Variants in TNS2 observed in about 807,000 individuals in gnomAD.
TNS2 encodes the protein tensin 2.
TNS2 carries 77 observed loss-of-function variants against 155.7 expected under a neutral mutation model. The ratio of observed to expected loss-of-function variants is 0.49; its 90% CI spans 0.41 to 0.60. The LOEUF (loss-of-function observed/expected upper bound fraction) is 0.60. TNS2 is among the 20% of genes least tolerant of loss of function. The pLI, the probability that TNS2 is intolerant of heterozygous loss-of-function variation, is 0.00. For missense variants in TNS2, 1,703 were observed against 1,868.8 expected (o/e 0.91, Z 1.64); for synonymous variants, 726 against 763.9 (o/e 0.95, Z 0.82).
chr12:53,060,284 C>T lies in TNS2; in HGVS notation c.2617+26C>T, dbSNP rs1459206496. On this transcript the variant is annotated intron_variant, in intron 18 of 28. Transcript: ENST00000314250. The surrounding 1 kb of genome is among the most constrained non-coding windows in gnomAD (Gnocchi z 6.1). ...GTGAGGGGCACCAGAGTGCGGAGTG[C>T]CCAGGGCAGAGGAGGTTCTGGAAGA... 2 of 1,543,118 alleles carry T rather than the reference C, an allele frequency of 1.3e-6. No homozygotes were observed. The highest frequency in any genetic ancestry group is 1.7e-6 in the Non-Finnish European group (2 of 1,144,326).
chr12:53,060,094 A>C lies in TNS2; in HGVS notation c.2453A>C (p.Tyr818Ser), dbSNP rs922519351. ...SCGSPGEGRG[Y>S]PSPGAHSPRA... Reference sequence around the variant, plus strand: ...GGCTCTCCAGGAGAGGGCAGAGGGTATCCCAGCCCTGGTGCCCACTCCCCA... The same window carrying C: ...GGCTCTCCAGGAGAGGGCAGAGGGTCTCCCAGCCCTGGTGCCCACTCCCCA... Residue 818 changes from tyrosine (Y) to serine (S), a missense_variant, in exon 18 of 29, where the codon TAT becomes TCT. Tyr to Ser is a moderately radical substitution (Grantham distance 144, BLOSUM62 -2). Coordinates refer to ENST00000314250, the MANE Select transcript of TNS2 (RefSeq NM_170754.4). This position sits in a 1 kb window ranked among gnomAD's most constrained non-coding sequence, Gnocchi z 6.1. 2.5e-6 allele frequency: 4 copies of C among 1,611,274 alleles called. No individual in the cohort carries two copies. Among genetic ancestry groups the C allele is most frequent in the Non-Finnish European group, 3.4e-6 (4 of 1,178,614 alleles).
rs201254888 is a variant in TNS2, at chr12:53,060,834, G to C, written c.2928G>C (p.Pro976=). The C allele has an allele frequency of 1.2e-6, 2 of 1,604,052 alleles. No individual in the cohort carries two copies. The highest frequency in any genetic ancestry group is 1.7e-5 in the Admixed American group (1 of 59,522). The change falls in exon 20 of 29, where the codon CCG becomes CCC. Residue 976 remains proline (P), a synonymous_variant. Transcript: ENST00000314250. The surrounding 1 kb of genome is among the most constrained non-coding windows in gnomAD (Gnocchi z 6.1). ...PEPLAPSPVS[P]TFPPSSPSDW... ...CTCTGGCCCCTAGCCCAGTCTCTCC[G>C]ACCTTCCCTCCCAGCTCGCCCAGTG...
rs143437824 is a variant in TNS2 at position 53,060,051 on chromosome 12, C to T, written c.2410C>T (p.Arg804Cys). The T allele has an allele frequency of 2.7e-5, 43 of 1,613,450 alleles. No individual in the cohort carries two copies. The highest frequency in any genetic ancestry group is 1.2e-4 in the African/African-American group (9 of 75,046). The stretch of plus-strand genomic sequence containing the variant: ...TCCCAGTTACTGCCCAGCATATGGC[C>T]GTGTGCCTCATAGCTGTGGCTCTCC... ...AVPSYCPAYG[R>C]VPHSCGSPGE... The change falls in exon 18 of 29, where the codon CGT becomes TGT. Residue 804 changes from arginine (R) to cysteine (C), a missense_variant. By Grantham distance (180) the Arg-to-Cys change is radical (BLOSUM62 -3). Transcript: ENST00000314250. This position sits in a 1 kb window ranked among gnomAD's most constrained non-coding sequence, Gnocchi z 6.1.
Position 53,050,165 on chromosome 12 carries a change from C to T in TNS2, c.-21C>T, listed in dbSNP as rs545200963. On this transcript the variant is annotated 5_prime_UTR_variant, in exon 1 of 29. Transcript: ENST00000314250. The surrounding 1 kb of genome is among the most constrained non-coding windows in gnomAD (Gnocchi z 4.7). Reference sequence around the variant, plus strand: ...AGCATTGTTCAGGCCCTGGGGCCAGCACCCCAGCCAGCCGAACACCATGAA... The same window carrying T: ...AGCATTGTTCAGGCCCTGGGGCCAGTACCCCAGCCAGCCGAACACCATGAA... 4.4e-6 allele frequency: 7 copies of T among 1,606,940 alleles called. No individual in the cohort carries two copies. The highest frequency in any genetic ancestry group is 1.7e-5 in the Admixed American group (1 of 59,400).
intron 5 of TNS2, 43 bp downstream of exon 5, chr12:53,053,855 G>A: frequency 6.2e-7 from 1 of 1,613,838 alleles, no homozygotes; most frequent in Non-Finnish European, 8.5e-7. Flanking sequence ...GGTAGCTTTG[G>A]GAGTAAGGAT....
chr12:53,062,237 C>T lies in TNS2; in HGVS notation c.3659C>T (p.Pro1220Leu), dbSNP rs915131091. 1.2e-6 allele frequency: 2 copies of T among 1,613,838 alleles called. No individual in the cohort carries two copies. The highest frequency in any genetic ancestry group is 1.7e-6 in the Non-Finnish European group (2 of 1,179,946). ...GVKIKGCPSE[P>L]YFGSLSALVS... ...AAGATCAAGGGCTGCCCCAGTGAGC[C>T]CTACTTTGGTGAGAAGCAGGAGCCT... The change falls in exon 23 of 29, where the codon CCC (proline) becomes CTC (leucine). Residue 1220 changes from proline to leucine, a missense_variant. Pro to Leu is a moderately conservative substitution (Grantham distance 98, BLOSUM62 -3). Transcript: ENST00000314250.
chr12:53,053,592 ACTGT>A (rs975250195), intron 4 of TNS2, 143 bp downstream of exon 4: 25 of 1,370,576 alleles, frequency 1.8e-5, no homozygotes, highest in African/African-American at 5.8e-5. Flanking sequence ...GAAAGAAAAA[ACTGT>A]CTGAGTCCTC....
At chr12:53,061,534 A>G in intron 21 of TNS2, 65 bp downstream of exon 21, 2 of 1,556,990 alleles carry the variant, frequency 1.3e-6, no homozygotes, top group Non-Finnish European at 1.8e-6. Context: ...CTTGGCTTTA[A>G]GTCCCATCCT....
chr12:53,058,971 A>G, intron 17 of TNS2, 76 bp from the exon 18 acceptor site: 4 of 1,267,962 alleles, frequency 3.2e-6, no homozygotes, highest in African/African-American at 1.5e-5. Flanking sequence ...CTCCAGTGCC[A>G]TCCCCTCTCA....
rs1944220908 is a variant in TNS2, at chr12:53,058,021, C to T, written c.1020-6C>T. 1.2e-6 allele frequency: 2 copies of T among 1,614,134 alleles called. No individual in the cohort carries two copies. The highest frequency in any genetic ancestry group is 8.5e-7 in the Non-Finnish European group (1 of 1,180,044). On this transcript the variant is annotated splice_polypyrimidine_tract_variant and splice_region_variant and intron_variant, in intron 13 of 28. Coordinates refer to ENST00000314250, the MANE Select transcript of TNS2 (RefSeq NM_170754.4). ...TTCATCTCTGCCTTCTCCTCTCTCC[C>T]CACAGTCACATTGCAGGCCCTGGTC... is the stretch of plus-strand genomic sequence containing the variant.
At position 53,058,479 on chromosome 12, in the gene TNS2, C is replaced by CCAGGTGGCAGG. The variant is rs66607805; in HGVS notation, c.1225+61_1226-56dup. 387 of 1,611,908 alleles carry CCAGGTGGCAGG rather than the reference C, an allele frequency of 2.4e-4. 2 individuals are homozygous for CCAGGTGGCAGG. The highest frequency in any genetic ancestry group is 3.0e-4 in the Non-Finnish European group (351 of 1,179,216). ...GAGACAAGTGGCCTGGGGCTGGAGT[C>CCAGGTGGCAGG]CAGGTGGCAGGCAGGTGGCAGGCAG... On this transcript the variant is annotated intron_variant, in intron 15 of 28. Transcript: ENST00000314250.
chr12:53,059,011 G>C lies in TNS2; in HGVS notation c.1406-36G>C. ...TTTTCTCTCTCCCTCCCTGTTCCCCGCTTGCCCTCCCTCCCTGATCCTCTT... is the reference window on the plus strand; with the variant it reads ...TTTTCTCTCTCCCTCCCTGTTCCCCCCTTGCCCTCCCTCCCTGATCCTCTT... On this transcript the variant is annotated intron_variant, in intron 17 of 28. Coordinates refer to ENST00000314250, the MANE Select transcript of TNS2 (RefSeq NM_170754.4). The surrounding 1 kb of genome is among the most constrained non-coding windows in gnomAD (Gnocchi z 4.7). The C allele has an allele frequency of 6.5e-7, 1 of 1,534,396 alleles. No individual in the cohort carries two copies.
At chr12:53,057,143 G>A in intron 11 of TNS2, 47 bp downstream of exon 11, 1 of 1,563,404 alleles carries the variant, frequency 6.4e-7, no homozygotes, top group Non-Finnish European at 8.7e-7. Context: ...CTCCCTTCAT[G>A]GCTACCAAGG....
Position 53,060,966 on chromosome 12 carries a change from T to C in TNS2, c.3060T>C (p.Pro1020=). Residue 1020 remains proline (P), a synonymous_variant, in exon 20 of 29, where the codon CCT becomes CCC. Transcript: ENST00000314250. The surrounding 1 kb of genome is among the most constrained non-coding windows in gnomAD (Gnocchi z 6.1). ...TCCGCCACGCCCCCTGGCAAGGCCC[T>C]CGAGGCCCCCCCGACAGCCCAGATG... ...PGLRHAPWQG[P]RGPPDSPDGS... The C allele has an allele frequency of 1.2e-6, 2 of 1,607,738 alleles. No individual in the cohort carries two copies. The highest frequency in any genetic ancestry group is 2.2e-5 in the South Asian group (2 of 90,326).
At chr12:53,051,490 C>T (rs1390528809) in intron 1 of TNS2, among the ~76,000 whole-genome samples, 1 of 148,830 alleles carries the variant, frequency 6.7e-6, no homozygotes, top group Non-Finnish European at 1.5e-5. Context: ...GCACACAGGT[C>T]TCCATGCGGG....
chr12:53,061,379 G>C lies in TNS2; in HGVS notation c.3359-1G>C, dbSNP rs770075357. 2 of 1,613,990 alleles carry C rather than the reference G, an allele frequency of 1.2e-6. No individual in the cohort carries two copies. The highest frequency in any genetic ancestry group is 1.7e-6 in the Non-Finnish European group (2 of 1,179,976). On this transcript the variant is annotated splice_acceptor_variant, in intron 20 of 28. Coordinates refer to ENST00000314250, the MANE Select transcript of TNS2 (RefSeq NM_170754.4). LOFTEE classifies it high-confidence loss of function. The stretch of plus-strand genomic sequence containing the variant: ...CTGAACCTACTCCCTCCCTGTCCTA[G>C]AGCCTCCTACACAAGAGAGCCAAAG...
chr12:53,057,096 G>A lies in TNS2; in HGVS notation c.845G>A (p.Arg282Gln), dbSNP rs745840449. The change falls in exon 11 of 29, where the codon CGA (arginine) becomes CAA (glutamine). Residue 282 changes from arginine (R) to glutamine (Q), a missense_variant and splice_region_variant. Physicochemically the swap from Arg to Gln is conservative, Grantham distance 43. Transcript: ENST00000314250. The part of the protein sequence containing the change: ...VATELQPSQR[R>Q]YISYFSGLLS... ...ACAGAACTGCAGCCCTCCCAGCGTCGGTGAGCAGCCTGGGTGGGGATGGGC... is the reference window on the plus strand; with the variant it reads ...ACAGAACTGCAGCCCTCCCAGCGTCAGTGAGCAGCCTGGGTGGGGATGGGC... 6 of 1,611,420 alleles carry A rather than the reference G, an allele frequency of 3.7e-6. No homozygotes were observed. The South Asian group carries it at 4.4e-5, about 12-fold the overall frequency.
intron 8 of TNS2, 144 bp downstream of exon 8, chr12:53,055,380 A>G (rs1177524537): frequency 6.1e-6 from 7 of 1,147,986 alleles, no homozygotes; most frequent in Non-Finnish European, 8.8e-6. Flanking sequence ...ATTACTGGAG[A>G]CACCCCAAAA....
rs750462308 is a variant in TNS2, at chr12:53,059,523, G to A, written c.1882G>A (p.Gly628Arg). 1 of 1,583,440 alleles carries A rather than the reference G, an allele frequency of 6.3e-7. No individual in the cohort carries two copies. The highest frequency in any genetic ancestry group is 8.6e-7 in the Non-Finnish European group (1 of 1,167,142). The change falls in exon 18 of 29, where the codon GGA (glycine) becomes AGA (arginine). Residue 628 changes from glycine (G) to arginine (R), a missense_variant. Gly to Arg is a moderately radical substitution (Grantham distance 125). Transcript: ENST00000314250. The surrounding 1 kb of genome is among the most constrained non-coding windows in gnomAD (Gnocchi z 4.7). ...GCGACTGGCCTACGGGGGCTATGAG[G>A]GATCCCCCCAGGGCTACGCCGAGGC... ...RRRLAYGGYE[G>R]SPQGYAEASM...
Sources: allele counts gnomAD v4.1 joint callset (sites outside exome capture counted in the v4.1 genomes callset), GRCh38; gene constraint gnomAD v4.1.1; non-coding constraint Gnocchi (gnomAD v3.1); transcripts MANE v1.5; gene names NCBI Gene and HGNC (gene_info 2026-07-23, HGNC 2026-07-21).